TMEM117: variants seen among roughly 807,000 people sequenced by gnomAD.
TMEM117 encodes transmembrane protein 117.
TMEM117 carries 27 observed loss-of-function variants against 52.4 expected under a neutral mutation model. The ratio of observed to expected loss-of-function variants is 0.51; its 90% confidence interval spans 0.38 to 0.71. The LOEUF is 0.71. Ranked by LOEUF, TMEM117 falls within the 30% of genes least tolerant of loss-of-function variation. The pLI, the probability that TMEM117 is intolerant of heterozygous loss-of-function variation, is 0.00. For synonymous variants in TMEM117, 215 were observed against 206.3 expected, an observed-to-expected ratio of 1.04 and a Z score of -0.36; for missense variants, 556 against 630.5, an observed-to-expected ratio of 0.88 and a Z score of 1.26.
chr12:44,274,358 TTGTTTAAA>T (rs1194118685), intron 5 of TMEM117, among the ~76,000 whole-genome samples: 1 of 152,180 alleles, frequency 6.6e-6, no homozygotes, highest in Non-Finnish European at 1.5e-5. Context: ...AGGATCAATA[TTGTTTAAA>T]TGTCCATAGT....
chr12:43,950,882 C>T (rs538757033), intron 3 of TMEM117, among the ~76,000 whole-genome samples: 4 of 152,240 alleles, frequency 2.6e-5, no homozygotes, highest in South Asian at 4.1e-4. Context: ...AGAAACAGCT[C>T]GGGTCTGCAG....
chr12:44,210,769 T>G (rs1382486789), intron 4 of TMEM117, among the ~76,000 whole-genome samples: 1 of 152,088 alleles, frequency 6.6e-6, no homozygotes, highest in Admixed American at 6.6e-5. Context: ...AAGAACATTT[T>G]TAGATGAAGG....
rs1565702095 is a variant in TMEM117 at position 44,311,899 on chromosome 12, A to ATATATG, written c.768+12165_768+12166insGTATAT. 2.8e-4 allele frequency among the ~76,000 whole-genome samples: 37 copies of ATATATG among 132,626 alleles called. 1 individual carries two copies. Among genetic ancestry groups the ATATATG allele is most frequent in the African/African-American group, 1.1e-3 (32 of 29,838 alleles). 87.0% of individuals were successfully genotyped at this position (132,626 alleles called of 152,430 possible). ...TATGTATATATGTATATATATGTGT[A>ATATATG]TATATATATGTGTGTATATATATAT... On this transcript the variant is annotated intron_variant, in intron 6 of 7. Coordinates refer to ENST00000266534, the MANE Select transcript of TMEM117 (RefSeq NM_032256.3).
rs1406899590 is a variant in TMEM117 at position 44,001,825 on chromosome 12, T to C, written c.410+57483T>C. ...GAGTGGAAGAGTGACATTGTGACCATTGTATTTGAGAAAAATTACTGAATA... is the reference window on the plus strand; with the variant it reads ...GAGTGGAAGAGTGACATTGTGACCACTGTATTTGAGAAAAATTACTGAATA... On this transcript the variant is annotated intron_variant, in intron 3 of 7. Coordinates refer to ENST00000266534, the MANE Select transcript of TMEM117 (RefSeq NM_032256.3). Among the ~76,000 whole-genome samples, 3 of 152,102 alleles carry C rather than the reference T, an allele frequency of 2.0e-5. No individual in the cohort carries two copies. In the South Asian group the frequency reaches 6.2e-4, roughly 32 times the overall value.
At chr12:43,974,954 A>G (rs1945649159) in intron 3 of TMEM117, among the ~76,000 whole-genome samples, 1 of 152,182 alleles carries the variant, frequency 6.6e-6, no homozygotes, top group Admixed American at 6.6e-5. Context: ...GGAAGGTGTT[A>G]AGAACCAGGA....
chr12:44,348,568 A>C (rs1412430177), intron 6 of TMEM117, among the ~76,000 whole-genome samples: 1 of 152,000 alleles, frequency 6.6e-6, no homozygotes, highest in Non-Finnish European at 1.5e-5. Context: ...AGAACTGTAC[A>C]TTTTAACAAT....
chr12:43,912,878 T>G (rs998066038), intron 2 of TMEM117, among the ~76,000 whole-genome samples: 8 of 152,166 alleles, frequency 5.3e-5, no homozygotes, highest in Non-Finnish European at 1.0e-4. Flanking sequence ...TCTGCCATGT[T>G]TTTGCATGAC....
chr12:43,806,278 G>A, the TMEM117 span: 6 of 1,502,652 alleles, frequency 4.0e-6, no homozygotes, highest in South Asian at 2.5e-5. Flanking sequence ...CTCCGGCGCT[G>A]AGTGCAGCCA....
chr12:44,345,608 G>A (rs2138763584), intron 6 of TMEM117, among the ~76,000 whole-genome samples: 1 of 152,186 alleles, frequency 6.6e-6, no homozygotes. Flanking sequence ...CAGCATTATA[G>A]GTGTTATTCA....
intron 2 of TMEM117, among the ~76,000 whole-genome samples, chr12:43,870,273 T>C (rs997698932): frequency 3.3e-5 from 5 of 151,494 alleles, no homozygotes; most frequent in Non-Finnish European, 5.9e-5. Context: ...TTTTTTTTTC[T>C]TTTTTGAGAT....
chr12:44,362,654 G>A (rs977963829), intron 6 of TMEM117, among the ~76,000 whole-genome samples: 1 of 151,822 alleles, frequency 6.6e-6, no homozygotes, highest in African/African-American at 2.4e-5. Flanking sequence ...GAATTGTGAT[G>A]GTAAAGGCAA....
chr12:44,335,468 T>C (rs889242535), intron 6 of TMEM117, among the ~76,000 whole-genome samples: 4 of 152,068 alleles, frequency 2.6e-5, no homozygotes, highest in African/African-American at 9.7e-5. Context: ...ATGATACTTG[T>C]ATCTGTTTTA....
chr12:44,321,702 A>G (rs1293255708), intron 6 of TMEM117, among the ~76,000 whole-genome samples: 2 of 152,300 alleles, frequency 1.3e-5, no homozygotes, highest in Non-Finnish European at 1.5e-5. Context: ...ACTATGCCTA[A>G]CGAAGTACAA....
intron 3 of TMEM117, among the ~76,000 whole-genome samples, chr12:44,135,301 C>G (rs1333433646): frequency 6.6e-6 from 1 of 152,090 alleles, no homozygotes; most frequent in Admixed American, 6.6e-5. Flanking sequence ...CAAGATGGGA[C>G]CACTAGCTCT....
intron 3 of TMEM117, among the ~76,000 whole-genome samples, chr12:44,102,474 A>C (rs905308624): frequency 1.3e-5 from 2 of 150,740 alleles, no homozygotes; most frequent in African/African-American, 4.9e-5. Flanking sequence ...TCCTCTATCC[A>C]TCTCTCTAAA....
chr12:43,960,742 C>T (rs1270590518), intron 3 of TMEM117, among the ~76,000 whole-genome samples: 1 of 152,008 alleles, frequency 6.6e-6, no homozygotes, highest in South Asian at 2.1e-4. Flanking sequence ...GAATGTTAGC[C>T]CCATCTTAAC....
intron 2 of TMEM117, among the ~76,000 whole-genome samples, chr12:43,854,557 G>A (rs1224114546): frequency 6.6e-6 from 1 of 152,156 alleles, no homozygotes; most frequent in African/African-American, 2.4e-5. Context: ...CATTTACCTT[G>A]AACAGTTCAC....
chr12:43,920,109 T>C (rs1944667454), intron 2 of TMEM117, among the ~76,000 whole-genome samples: 1 of 152,144 alleles, frequency 6.6e-6, no homozygotes, highest in Admixed American at 6.5e-5. Flanking sequence ...TTTCCCCAGT[T>C]TCCTGAGTTT....
intron 3 of TMEM117, among the ~76,000 whole-genome samples, chr12:44,032,395 C>G (rs1402337032): frequency 6.6e-6 from 1 of 152,180 alleles, no homozygotes; most frequent in Non-Finnish European, 1.5e-5. Flanking sequence ...GCTAATGTTA[C>G]TTATTCCTGT....
Sources: allele counts gnomAD v4.1 joint callset (sites outside exome capture counted in the v4.1 genomes callset), GRCh38; gene constraint gnomAD v4.1.1; transcripts MANE v1.5; gene names NCBI Gene and HGNC (gene_info 2026-07-23, HGNC 2026-07-21).